The following HEATR4 variants were observed in gnomAD, a reference collection of about 807,000 sequenced individuals.
HEATR4 encodes the protein HEAT repeat-containing protein 4.
HEATR4 carries 95 observed loss-of-function variants against 108.8 expected under a neutral mutation model. The ratio of observed to expected loss-of-function variants is 0.87; its 90% CI spans 0.74 to 1.04. HEATR4 has a LOEUF of 1.04. Among genes scored for constraint, HEATR4 ranks in the 50% least tolerant of loss-of-function variants. The pLI, the probability that HEATR4 is intolerant of heterozygous loss-of-function variation, is 0.00. For missense variants in HEATR4, 1,152 were observed against 1,253.8 expected, an observed-to-expected ratio of 0.92 and a Z score of 1.23; for synonymous variants, 443 against 459.4, an observed-to-expected ratio of 0.96 and a Z score of 0.46.
chr14:73,567,327 G>C, the HEATR4 span, among the ~76,000 whole-genome samples: 7 of 152,098 alleles, frequency 4.6e-5, 1 homozygote, highest in Non-Finnish European at 8.8e-5. Flanking sequence ...TTAACCATTA[G>C]CTACTATTGA....
intron 2 of HEATR4, among the ~76,000 whole-genome samples, chr14:73,524,701 G>A (rs1013922308): frequency 4.0e-5 from 6 of 150,110 alleles, no homozygotes; most frequent in African/African-American, 2.5e-5. Flanking sequence ...CTTAACCTCC[G>A]TGCCACACTG....
chr14:73,582,641 T>C, the HEATR4 span: 1 of 151,998 alleles, frequency 6.6e-6, no homozygotes, highest in African/African-American at 2.4e-5. Context: ...AGATGTAATA[T>C]GCTAATGAGA....
In HEATR4 at chr14:73,532,730, A is replaced by G. The variant is rs1375108527; in HGVS notation, c.-151-2486T>C. ...AGCACTTTGGGAGGCCAAGGTGGGC[A>G]GATCACAAGGTCAGGAGATTGAAAC... On this transcript the variant is annotated intron_variant, in intron 1 of 17. Transcript: ENST00000553558. 1.7e-4 allele frequency among the ~76,000 whole-genome samples: 20 copies of G among 115,060 alleles called. 5 individuals are homozygous for G. Among genetic ancestry groups the G allele is most frequent in the East Asian group, 1.3e-3 (2 of 1,482 alleles). The allele number at this position is 115,060 out of a possible 152,430, so 75.5% of individuals were successfully genotyped here. A position where few individuals can be genotyped will look rare whatever the true frequency, so the allele number is the denominator to read the frequency against.
chr14:73,500,630 G>T lies in HEATR4; in HGVS notation c.2206C>A (p.His736Asn). The T allele has an allele frequency of 1.9e-6, 3 of 1,614,186 alleles. No homozygotes were observed. The highest frequency in any genetic ancestry group is 3.3e-4 in the Middle Eastern group (2 of 6,040). Residue 736 changes from histidine (H) to asparagine (N), a missense_variant, in exon 12 of 18, where the codon CAC becomes AAC. Coordinates refer to ENST00000553558, the MANE Select transcript of HEATR4 (RefSeq NM_001220484.1). ...GCTGTGAAGTCATCAGAGAAGCAGT[G>T]CAGGAAGCTTGGGAGAAGCTTGGCG... ...MTAKLLPSFLHCFSDDFTAVR... is the reference protein window; with the variant it reads ...MTAKLLPSFLNCFSDDFTAVR...
At chr14:73,570,629 G>A in the HEATR4 span, among the ~76,000 whole-genome samples, 1 of 151,884 alleles carries the variant, frequency 6.6e-6, no homozygotes, top group Admixed American at 6.6e-5. Flanking sequence ...AACAGGCCGG[G>A]CGCGGTGGCT....
the HEATR4 span, among the ~76,000 whole-genome samples, chr14:73,584,141 A>C: frequency 6.6e-6 from 1 of 151,934 alleles, no homozygotes; most frequent in Non-Finnish European, 1.5e-5. Context: ...AAGAGAGCAC[A>C]GAGCATGAGG....
chr14:73,568,656 T>TC, the HEATR4 span, among the ~76,000 whole-genome samples: 1 of 151,932 alleles, frequency 6.6e-6, no homozygotes, highest in Non-Finnish European at 1.5e-5. Context: ...CGGTGGCTCA[T>TC]GCCTGTAAAT....
At chr14:73,569,624 C>T in the HEATR4 span, 7 of 1,600,936 alleles carry the variant, frequency 4.4e-6, no homozygotes, top group African/African-American at 5.4e-5. Flanking sequence ...AGCGCGCGCC[C>T]GCGCTGGGCG....
chr14:73,484,724 T>A (rs1367724226), intron 17 of HEATR4, among the ~76,000 whole-genome samples: 1 of 151,984 alleles, frequency 6.6e-6, no homozygotes, highest in East Asian at 1.9e-4. Context: ...AAAATTCTTC[T>A]ATAACAAATA....
At chr14:73,585,815 T>C in the HEATR4 span, among the ~76,000 whole-genome samples, 5 of 124,510 alleles carry the variant, frequency 4.0e-5, no homozygotes. Context: ...CTGTTTTGTC[T>C]TTTTCTTTTT....
intron 10 of HEATR4, among the ~76,000 whole-genome samples, chr14:73,505,393 G>GT (rs1402917589): frequency 5.4e-4 from 76 of 141,358 alleles, no homozygotes; most frequent in Middle Eastern, 3.6e-3. Context: ...TTTTTGTTTT[G>GT]TTTTTTTTTG....
chr14:73,605,540 T>G, the HEATR4 span, among the ~76,000 whole-genome samples: 5 of 144,340 alleles, frequency 3.5e-5, no homozygotes, highest in African/African-American at 1.3e-4. Context: ...ATCATGCAGC[T>G]GGAGGCTGTA....
intron 9 of HEATR4, among the ~76,000 whole-genome samples, chr14:73,506,962 G>A (rs1313877179): frequency 6.6e-6 from 1 of 151,750 alleles, no homozygotes; most frequent in Non-Finnish European, 1.5e-5. Flanking sequence ...CACCACGCCC[G>A]GTTAATTTTT....
At chr14:73,632,053 TCTAA>T in the HEATR4 span, 9 of 152,478 alleles carry the variant, frequency 5.9e-5, 1 homozygote, top group East Asian at 5.7e-4. Context: ...TTTTGCGCCC[TCTAA>T]CTAAGACTCC....
At position 73,548,445 on chromosome 14, in the gene HEATR4, C is replaced by G. The variant is rs866850178; in HGVS notation, c.-152+10306G>C. On this transcript the variant is annotated intron_variant, in intron 1 of 17. Coordinates refer to ENST00000553558, the MANE Select transcript of HEATR4 (RefSeq NM_001220484.1). ...GGCTTGTTTTGAAGTATTGTTTCAT[C>G]TGGTGAAGGAGCCAGTGCCATCATT... 4.0e-4 allele frequency among the ~76,000 whole-genome samples: 46 copies of G among 114,936 alleles called. 14 individuals carry two copies. Among genetic ancestry groups the G allele is most frequent in the Middle Eastern group, 4.8e-3 (1 of 210 alleles). 75.4% of individuals were successfully genotyped at this position (114,936 alleles called of 152,430 possible).
chr14:73,528,923 G>T (rs1190203294), intron 2 of HEATR4: 2 of 152,156 alleles, frequency 1.3e-5, no homozygotes, highest in Non-Finnish European at 2.9e-5. Context: ...TATTAATGGA[G>T]TTTGGAGGCT....
the HEATR4 span, among the ~76,000 whole-genome samples, chr14:73,594,263 AACTT>A: frequency 2.6e-5 from 4 of 152,200 alleles, no homozygotes; most frequent in Non-Finnish European, 5.9e-5. Flanking sequence ...GCCAAGAACA[AACTT>A]ACTTACTCTG....
At chr14:73,624,438 T>A in the HEATR4 span, among the ~76,000 whole-genome samples, 1 of 152,008 alleles carries the variant, frequency 6.6e-6, no homozygotes, top group East Asian at 1.9e-4. Flanking sequence ...CCAAAAAAAT[T>A]TTTTTAAATA....
At chr14:73,564,986 A>G in the HEATR4 span, among the ~76,000 whole-genome samples, 2 of 151,870 alleles carry the variant, frequency 1.3e-5, no homozygotes, top group Non-Finnish European at 2.9e-5. Flanking sequence ...TGCTCATCAT[A>G]TATTCTTCTG....
Sources: allele counts gnomAD v4.1 joint callset (sites outside exome capture counted in the v4.1 genomes callset), GRCh38; gene constraint gnomAD v4.1.1; transcripts MANE v1.5; gene names NCBI Gene and HGNC (gene_info 2026-07-23, HGNC 2026-07-21).